Variants in CNTN6 observed in about 807,000 individuals in gnomAD.
The protein encoded by CNTN6 is contactin-6.
A neutral mutation model predicts 122.8 loss-of-function variants in CNTN6; 137 were observed. That is an observed-to-expected ratio of 1.12 (90% confidence interval 0.97 to 1.29). The LOEUF is 1.29. CNTN6 is among the 50% of genes most tolerant of loss of function. The pLI is 0.00. For synonymous variants in CNTN6, 570 were observed against 426.0 expected, an observed-to-expected ratio of 1.34 and a Z score of -4.16; for missense variants, 1,634 against 1,223.4, an observed-to-expected ratio of 1.34 and a Z score of -5.01.
intron 1 of CNTN6, among the ~76,000 whole-genome samples, chr3:1,110,275 A>G (rs1200639147): frequency 6.6e-6 from 1 of 152,136 alleles, no homozygotes; most frequent in Non-Finnish European, 1.5e-5. Context: ...TGACTTTAAA[A>G]CATATCCAAC....
chr3:1,297,937 CTA>C lies in CNTN6; in HGVS notation c.710_711del (p.Ile237ThrfsTer23). 6.2e-7 allele frequency: 1 copy of C among 1,612,876 alleles called. No homozygotes were observed. The highest frequency in any genetic ancestry group is 1.1e-5 in the South Asian group (1 of 90,464). On this transcript the variant is annotated frameshift_variant, in exon 7 of 23. Transcript: ENST00000446702. LOFTEE classifies it high-confidence loss of function. Reference sequence around the variant, plus strand: ...AAGATTGAAGTGCGTTTTCCTGAAACTATACAAGCTGCAAAGGATTCATCTGT... The same window carrying C: ...AAGATTGAAGTGCGTTTTCCTGAAACTACAAGCTGCAAAGGATTCATCTGT...
intron 2 of CNTN6, among the ~76,000 whole-genome samples, chr3:1,189,759 G>A (rs1199218361): frequency 1.3e-5 from 2 of 152,126 alleles, no homozygotes; most frequent in Non-Finnish European, 2.9e-5. Flanking sequence ...TGATTGAATA[G>A]TAATGTCTGC....
chr3:1,225,635 A>G (rs1250491152), intron 3 of CNTN6, among the ~76,000 whole-genome samples: 1 of 152,170 alleles, frequency 6.6e-6, no homozygotes, highest in East Asian at 1.9e-4. Flanking sequence ...GAGTGCTGGC[A>G]AGGAGAATAT....
chr3:1,107,934 G>A (rs753688100), intron 1 of CNTN6, among the ~76,000 whole-genome samples: 1 of 151,994 alleles, frequency 6.6e-6, no homozygotes, highest in Non-Finnish European at 1.5e-5. Context: ...CTCCCCAAAA[G>A]TTACCTCCAT....
chr3:1,227,711 T>G, intron 3 of CNTN6, 107 bp from the exon 4 acceptor site: 4 of 1,184,100 alleles, frequency 3.4e-6, no homozygotes, highest in South Asian at 2.8e-5. Context: ...TGTAATCATG[T>G]TTTTTGGTGT....
chr3:1,297,516 T>C (rs1307847972), intron 6 of CNTN6, among the ~76,000 whole-genome samples: 1 of 152,192 alleles, frequency 6.6e-6, no homozygotes, highest in Admixed American at 6.5e-5. Context: ...TACATTTTTA[T>C]CTCAATTAAT....
At chr3:1,241,987 A>G (rs1331489043) in intron 4 of CNTN6, among the ~76,000 whole-genome samples, 1 of 152,204 alleles carries the variant, frequency 6.6e-6, no homozygotes, top group Non-Finnish European at 1.5e-5. Flanking sequence ...AAGAATTCCG[A>G]CCATGCTAAC....
chr3:1,108,676 C>T (rs1016766142), intron 1 of CNTN6, among the ~76,000 whole-genome samples: 2 of 151,904 alleles, frequency 1.3e-5, no homozygotes, highest in Admixed American at 1.3e-4. Flanking sequence ...GAGTCTTTGC[C>T]AGATTTGATT....
intron 11 of CNTN6, among the ~76,000 whole-genome samples, chr3:1,349,467 T>C (rs1431847704): frequency 6.6e-6 from 1 of 151,840 alleles, no homozygotes; most frequent in African/African-American, 2.4e-5. Flanking sequence ...TTCATTGATA[T>C]GTTATTACCA....
At chr3:1,282,726 G>T (rs1007964271) in intron 5 of CNTN6, among the ~76,000 whole-genome samples, 2 of 152,016 alleles carry the variant, frequency 1.3e-5, no homozygotes, top group Non-Finnish European at 2.9e-5. Flanking sequence ...CCTCCTAAAC[G>T]CTCTCTCACT....
At chr3:1,270,483 TC>T (rs1301711023) in intron 4 of CNTN6, among the ~76,000 whole-genome samples, 1 of 152,218 alleles carries the variant, frequency 6.6e-6, no homozygotes, top group East Asian at 1.9e-4. Flanking sequence ...TTTCACCATT[TC>T]TCTTTTGCTG....
At chr3:1,172,282 C>T (rs1474269242) in intron 2 of CNTN6, among the ~76,000 whole-genome samples, 2 of 152,140 alleles carry the variant, frequency 1.3e-5, no homozygotes, top group African/African-American at 2.4e-5. Flanking sequence ...TTATATTGCC[C>T]TCTGCAGATG....
In CNTN6 at chr3:1,160,365, T is replaced by TATATATATATATATATATAC. The variant is rs1486849078; in HGVS notation, c.55+12305_55+12306insTATATATATATATATACATA. ...TACTGTATATATATATATATATATA[T>TATATATATATATATATATAC]ATACACACTACCTATATGGTCATTT... On this transcript the variant is annotated intron_variant, in intron 2 of 22. Coordinates refer to ENST00000446702, the MANE Select transcript of CNTN6 (RefSeq NM_001289080.2). 7.1e-4 allele frequency among the ~76,000 whole-genome samples: 95 copies of TATATATATATATATATATAC among 133,386 alleles called. 2 individuals carry two copies. The highest frequency in any genetic ancestry group is 2.3e-3 in the African/African-American group (80 of 34,514). 87.5% of individuals were successfully genotyped at this position (133,386 alleles called of 152,430 possible). A position where few individuals can be genotyped will look rare whatever the true frequency, so the allele number is the denominator to read the frequency against.
intron 5 of CNTN6, among the ~76,000 whole-genome samples, chr3:1,283,931 G>A (rs562877188): frequency 2.0e-4 from 31 of 152,304 alleles, no homozygotes; most frequent in Middle Eastern, 6.8e-3. Context: ...TCTGGGAGGC[G>A]GAGGTTGCAG....
At chr3:1,382,435 T>G (rs2126177948) in intron 17 of CNTN6, among the ~76,000 whole-genome samples, 1 of 152,286 alleles carries the variant, frequency 6.6e-6, no homozygotes, top group Admixed American at 6.5e-5. Flanking sequence ...CCTAAAAAAA[T>G]GATGGGAGGT....
At position 1,304,796 on chromosome 3, in the gene CNTN6, A is replaced by G. The variant is rs1698061160; in HGVS notation, c.761+6805A>G. ...ATCACGAGGTCAGGAGTTCAAGACC[A>G]GCCTGGCCAAGAAGGTGAAACCCCC... On this transcript the variant is annotated intron_variant, in intron 7 of 22. Transcript: ENST00000446702. 2.6e-5 allele frequency among the ~76,000 whole-genome samples: 4 copies of G among 152,010 alleles called. 1 individual carries two copies. The South Asian group carries it at 8.3e-4, about 32-fold the overall frequency.
chr3:1,268,961 A>C (rs927046293), intron 4 of CNTN6, among the ~76,000 whole-genome samples: 1 of 152,188 alleles, frequency 6.6e-6, no homozygotes, highest in African/African-American at 2.4e-5. Flanking sequence ...AGCCGAGGCA[A>C]GAGAGTGAGA....
intron 1 of CNTN6, among the ~76,000 whole-genome samples, chr3:1,133,095 G>T (rs774086273): frequency 6.6e-6 from 1 of 152,058 alleles, no homozygotes; most frequent in Non-Finnish European, 1.5e-5. Context: ...GCAATATGCC[G>T]AAAAAGGAGA....
intron 7 of CNTN6, among the ~76,000 whole-genome samples, chr3:1,319,028 T>C (rs1022622210): frequency 6.6e-6 from 1 of 151,740 alleles, no homozygotes; most frequent in African/African-American, 2.4e-5. Context: ...GAAAAAATGC[T>C]TGTCCAGTAA....
Sources: allele counts gnomAD v4.1 joint callset (sites outside exome capture counted in the v4.1 genomes callset), GRCh38; gene constraint gnomAD v4.1.1; transcripts MANE v1.5; gene names NCBI Gene and HGNC (gene_info 2026-07-23, HGNC 2026-07-21).